Variants in TMEM198 observed in about 807,000 individuals in gnomAD.
The protein encoded by TMEM198 is transmembrane protein 198.
TMEM198 carries 21 observed loss-of-function variants against 31.5 expected under a neutral mutation model. The ratio of observed to expected loss-of-function variants is 0.67; its 90% CI spans 0.47 to 0.96. TMEM198 has a LOEUF of 0.96. Ranked by LOEUF, TMEM198 falls within the 40% of genes least tolerant of loss-of-function variation. The pLI is 0.00. For missense variants in TMEM198, 447 were observed against 499.4 expected, an observed-to-expected ratio of 0.89 and a Z score of 1.00; for synonymous variants, 211 against 223.3, an observed-to-expected ratio of 0.95 and a Z score of 0.49.
rs202000579 is a variant in TMEM198 at position 219,547,750 on chromosome 2, C to T, written c.411C>T (p.Ser137=). 44 of 1,594,616 alleles carry T rather than the reference C, an allele frequency of 2.8e-5. No homozygotes were observed. Among genetic ancestry groups the T allele is most frequent in the Middle Eastern group, 1.7e-4 (1 of 5,728 alleles). ...TCGCAGCTGCTGCCCTGCTGGGCTCCGCACCCTACTACCAGCCAGGCTCCG... is the reference window on the plus strand; with the variant it reads ...TCGCAGCTGCTGCCCTGCTGGGCTCTGCACCCTACTACCAGCCAGGCTCCG... ...LLLAAAALLG[S]APYYQPGSVW... is the part of the protein sequence containing the mutation. The change falls in exon 3 of 5, where the codon TCC becomes TCT. Residue 137 remains serine (S), a synonymous_variant. Transcript: ENST00000373883.
Position 219,549,193 on chromosome 2 carries a change from A to AT in TMEM198, c.786dup (p.Arg263SerfsTer81). 1.2e-6 allele frequency: 2 copies of AT among 1,613,982 alleles called. No individual in the cohort carries two copies. Among genetic ancestry groups the AT allele is most frequent in the Non-Finnish European group, 1.7e-6 (2 of 1,180,018 alleles). ...GCGCCGACGCGTGCAACTGATGCGG[A>AT]TTCGGCAGCAGGAAGATCGCAAGGA... On this transcript the variant is annotated frameshift_variant, in exon 4 of 5. Transcript: ENST00000373883. LOFTEE classifies it high-confidence loss of function.
intron 2 of TMEM198, among the ~76,000 whole-genome samples, chr2:219,546,637 C>T (rs145495397): frequency 3.9e-4 from 60 of 152,278 alleles, no homozygotes; most frequent in African/African-American, 1.2e-3. Flanking sequence ...CCTACAAATA[C>T]CTCATTTTCT....
intron 2 of TMEM198, among the ~76,000 whole-genome samples, chr2:219,545,975 T>C (rs1695380170): frequency 6.6e-6 from 1 of 152,096 alleles, no homozygotes; most frequent in Non-Finnish European, 1.5e-5. Flanking sequence ...GGATTCTGTA[T>C]CACCTCACCC....
Position 219,547,647 on chromosome 2 carries a change from G to C in TMEM198, c.308G>C (p.Gly103Ala). Residue 103 changes from glycine (G) to alanine (A), a missense_variant, in exon 3 of 5, where the codon GGG becomes GCG. Transcript: ENST00000373883. ...GASAGIALGI[G>A]LLCGLVAMLV... is the part of the protein sequence containing the mutation. ...AGCGCGGGCATCGCTCTGGGCATCG[G>C]GCTGCTCTGCGGGCTGGTGGCCATG... is the stretch of plus-strand genomic sequence containing the variant. 6.5e-7 allele frequency: 1 copy of C among 1,529,490 alleles called. No homozygotes were observed. The highest frequency in any genetic ancestry group is 8.8e-7 in the Non-Finnish European group (1 of 1,137,174). The allele number at this position is 1,529,490 out of a possible 1,614,324, so 94.7% of individuals were successfully genotyped here.
At chr2:219,544,008 G>C (rs933519726), upstream of TMEM198, 1 of 355,978 alleles carries the variant, frequency 2.8e-6, no homozygotes, top group African/African-American at 2.2e-5. Flanking sequence ...CCCCTGCCTG[G>C]ATGGTGCGCC....
chr2:219,546,006 C>A (rs142913615), intron 2 of TMEM198, among the ~76,000 whole-genome samples: 1,862 of 152,228 alleles, frequency 0.012, 26 homozygotes, highest in Non-Finnish European at 0.02. Context: ...TGTACCCACT[C>A]CCTCTGCATG....
In TMEM198 at chr2:219,546,778, C is replaced by CTTTTTTTTT. The variant is rs397987890; in HGVS notation, c.167-719_167-711dup. ...TGTGTGACCCTCACCTCTCAAGTTT[C>CTTTTTTTTT]TTTTTTTTTTTTTTTTTGAGACAAG... On this transcript the variant is annotated intron_variant, in intron 2 of 4. Coordinates refer to ENST00000373883, the MANE Select transcript of TMEM198 (RefSeq NM_001005209.3). Among the ~76,000 whole-genome samples, 354 of 127,220 alleles carry CTTTTTTTTT rather than the reference C, an allele frequency of 2.8e-3. 14 individuals are homozygous for CTTTTTTTTT. Among genetic ancestry groups the CTTTTTTTTT allele is most frequent in the African/African-American group, 0.01 (339 of 32,640 alleles). The allele number at this position is 127,220 out of a possible 152,430, so 83.5% of individuals were successfully genotyped here.
Position 219,549,455 on chromosome 2 carries a change from G to A in TMEM198, c.945+101G>A, listed in dbSNP as rs191902746. ...CCACGGGCTGGTTGCTATCTAGAAG[G>A]CCTGTTTGTCCATGAACTGTTTGTC... On this transcript the variant is annotated intron_variant, in intron 4 of 4. Transcript: ENST00000373883. 38 of 1,414,674 alleles carry A rather than the reference G, an allele frequency of 2.7e-5. No homozygotes were observed. In the Admixed American group the frequency reaches 7.9e-4, roughly 29 times the overall value. The allele number at this position is 1,414,674 out of a possible 1,614,324, so 87.6% of individuals were successfully genotyped here. A position where few individuals can be genotyped will look rare whatever the true frequency, so the allele number is the denominator to read the frequency against.
intron 3 of TMEM198, 88 bp from the exon 4 acceptor site, chr2:219,549,064 A>G (rs1308289212): frequency 2.7e-6 from 4 of 1,470,792 alleles, no homozygotes; most frequent in South Asian, 1.2e-5. Flanking sequence ...CTGGAAGCCT[A>G]GAGCCACAGG....
Position 219,544,870 on chromosome 2 carries a change from T to G in TMEM198, c.143T>G (p.Phe48Cys). The change falls in exon 2 of 5, where the codon TTT becomes TGT. Residue 48 changes from phenylalanine to cysteine, a missense_variant. Phe to Cys is a radical substitution (Grantham distance 205). Coordinates refer to ENST00000373883, the MANE Select transcript of TMEM198 (RefSeq NM_001005209.3). ...CTCGTCTGCATCATGTGCTGTTTGT[T>G]TGGAGTCGTCTACTGCTTCTTCGGT... ...PALVCIMCCL[F>C]GVVYCFFGYR... The G allele has an allele frequency of 6.2e-7, 1 of 1,614,208 alleles. No homozygotes were observed. Among genetic ancestry groups the G allele is most frequent in the Non-Finnish European group, 8.5e-7 (1 of 1,180,012 alleles).
In TMEM198 at chr2:219,547,027, C is replaced by T. The variant is rs533858626; in HGVS notation, c.167-479C>T. Among the ~76,000 whole-genome samples, 14 of 152,146 alleles carry T rather than the reference C, an allele frequency of 9.2e-5. No individual in the cohort carries two copies. The South Asian group carries it at 2.7e-3, about 29-fold the overall frequency. On this transcript the variant is annotated intron_variant, in intron 2 of 4. Transcript: ENST00000373883. ...ACTCCTGACCTCATGATTCACCCGC[C>T]TTGGCCTCCCATAGTGCTGCCACCA...
chr2:219,548,976 G>A (rs556760542), intron 3 of TMEM198, 176 bp from the exon 4 acceptor site: 307 of 650,030 alleles, frequency 4.7e-4, no homozygotes, highest in Middle Eastern at 4.5e-3. Flanking sequence ...GAACAACAGC[G>A]GGAAGTCTCC....
At chr2:219,545,418 C>G (rs550907996) in intron 2 of TMEM198, among the ~76,000 whole-genome samples, 1 of 152,310 alleles carries the variant, frequency 6.6e-6, no homozygotes, top group Admixed American at 6.5e-5. Flanking sequence ...ATCCAGCCTA[C>G]AAGGCAGGCT....
chr2:219,544,557 C>A, intron 1 of TMEM198, 132 bp from the exon 2 acceptor site: 5 of 723,502 alleles, frequency 6.9e-6, no homozygotes, highest in Non-Finnish European at 1.1e-5. Flanking sequence ...TCCAGAGATG[C>A]TTCCGGAGCT....
At position 219,550,534 on chromosome 2, in the gene TMEM198, C is replaced by A. The variant is rs756169108; in HGVS notation, c.*680C>A. 1.1e-4 allele frequency: 47 copies of A among 440,856 alleles called. No individual in the cohort carries two copies. The highest frequency in any genetic ancestry group is 1.9e-4 in the Non-Finnish European group (47 of 241,474). 27.3% of individuals were successfully genotyped at this position (440,856 alleles called of 1,614,324 possible). On this transcript the variant is annotated 3_prime_UTR_variant, in exon 5 of 5. Coordinates refer to ENST00000373883, the MANE Select transcript of TMEM198 (RefSeq NM_001005209.3). ...CTAGACACCTCATGCTTCTGTCTCC[C>A]CCACCCCACTCTGTTTTACATCTTT...
chr2:219,550,483 G>A lies in TMEM198; in HGVS notation c.*629G>A, dbSNP rs1282869557. On this transcript the variant is annotated 3_prime_UTR_variant, in exon 5 of 5. Coordinates refer to ENST00000373883, the MANE Select transcript of TMEM198 (RefSeq NM_001005209.3). ...TTGGGGAGGGGTTTAAATGCACGGT[G>A]CATGTCTGGTGTCTGTCATGCCAAC... 1 of 326,448 alleles carries A rather than the reference G, an allele frequency of 3.1e-6. No homozygotes were observed. Among genetic ancestry groups the A allele is most frequent in the Non-Finnish European group, 5.8e-6 (1 of 172,866 alleles). The allele number at this position is 326,448 out of a possible 1,614,324, so 20.2% of individuals were successfully genotyped here. A position where few individuals can be genotyped will look rare whatever the true frequency, so the allele number is the denominator to read the frequency against.
chr2:219,544,521 T>C, intron 1 of TMEM198, 144 bp downstream of exon 1: 1 of 628,790 alleles, frequency 1.6e-6, no homozygotes, highest in Non-Finnish European at 2.8e-6. Flanking sequence ...CAGGCACTTT[T>C]GTTTCCCTTT....
chr2:219,543,985 C>T (rs746570463), upstream of TMEM198: 29 of 353,244 alleles, frequency 8.2e-5, no homozygotes, highest in South Asian at 1.7e-4. Flanking sequence ...CATGTGACGT[C>T]AGAAGCAGCC....
At chr2:219,545,772 GC>G (rs1396702826) in intron 2 of TMEM198, among the ~76,000 whole-genome samples, 1 of 152,086 alleles carries the variant, frequency 6.6e-6, no homozygotes, top group African/African-American at 2.4e-5. Flanking sequence ...AGTCTTGGGG[GC>G]TGGGGTTCCA....
Sources: gnomAD v4.1 joint callset for allele counts (sites outside exome capture counted in the v4.1 genomes callset) on GRCh38, gnomAD v4.1.1 for gene constraint, MANE v1.5 for transcripts, NCBI Gene and HGNC (gene_info 2026-07-23, HGNC 2026-07-21) for gene names.